STK10: variants seen among roughly 807,000 people sequenced by gnomAD.
The protein encoded by STK10 is serine/threonine-protein kinase 10.
Under a neutral mutation model 113.8 loss-of-function variants are expected in STK10, and 78 were observed. That is an observed-to-expected ratio of 0.69 (90% CI 0.57 to 0.83). The LOEUF (loss-of-function observed/expected upper bound fraction) is 0.83, where lower values mean the gene tolerates loss of function less well. Among genes scored for constraint, STK10 ranks in the 40% least tolerant of loss-of-function variants. STK10 has a pLI of 0.00. For synonymous variants in STK10, 465 were observed against 494.7 expected, an observed-to-expected ratio of 0.94 and a Z score of 0.80; for missense variants, 1,109 against 1,280.1, an observed-to-expected ratio of 0.87 and a Z score of 2.04.
chr5:172,084,995 A>G (rs1768518306), intron 10 of STK10, among the ~76,000 whole-genome samples: 1 of 152,172 alleles, frequency 6.6e-6, no homozygotes, highest in South Asian at 2.1e-4. Flanking sequence ...CTATAATCCC[A>G]GTACTTTGGG....
chr5:172,061,795 G>A (rs941733410), intron 13 of STK10, among the ~76,000 whole-genome samples: 3 of 152,110 alleles, frequency 2.0e-5, no homozygotes, highest in Admixed American at 6.6e-5. Flanking sequence ...TTTGCTAGGT[G>A]TGTTTATGGT....
intron 12 of STK10, among the ~76,000 whole-genome samples, chr5:172,075,750 A>T (rs1328044461): frequency 1.3e-5 from 2 of 152,244 alleles, no homozygotes; most frequent in East Asian, 3.8e-4. Flanking sequence ...AAGATACTCA[A>T]ATCATTAGTT....
rs774193068 is a variant in STK10 at position 172,182,550 on chromosome 5, ATTTTTTTTTTT to A, written c.156+5326_156+5336del. On this transcript the variant is annotated intron_variant, in intron 1 of 18. Coordinates refer to ENST00000176763, the MANE Select transcript of STK10 (RefSeq NM_005990.4). ...GGGCGCATGTCACCATGCCCAGCTCATTTTTTTTTTTTTTTTTTTTGAGACGGAGTTTTCGC... is the reference window on the plus strand; with the variant it reads ...GGGCGCATGTCACCATGCCCAGCTCATTTTTTTTTGAGACGGAGTTTTCGC... 2.8e-5 allele frequency among the ~76,000 whole-genome samples: 3 copies of A among 107,506 alleles called. No individual in the cohort carries two copies. In the East Asian group the frequency reaches 7.5e-4, roughly 27 times the overall value. The allele number at this position is 107,506 out of a possible 152,430, so 70.5% of individuals were successfully genotyped here. A position where few individuals can be genotyped will look rare whatever the true frequency, so the allele number is the denominator to read the frequency against.
intron 2 of STK10, among the ~76,000 whole-genome samples, chr5:172,154,459 C>T (rs1373363860): frequency 6.6e-6 from 1 of 152,334 alleles, no homozygotes; most frequent in Middle Eastern, 3.4e-3. Flanking sequence ...CGCTGTCTCT[C>T]CTGCCTGCCA....
At chr5:172,154,657 C>T (rs1770309528) in intron 2 of STK10, among the ~76,000 whole-genome samples, 1 of 152,118 alleles carries the variant, frequency 6.6e-6, no homozygotes, top group South Asian at 2.1e-4. Context: ...AAAGCACCAG[C>T]CTAAAGTGAC....
chr5:172,070,556 C>T (rs1241983350), intron 12 of STK10, among the ~76,000 whole-genome samples: 2 of 151,878 alleles, frequency 1.3e-5, no homozygotes, highest in Admixed American at 6.6e-5. Flanking sequence ...AGTCTCAAAT[C>T]AATGTTCTAA....
At chr5:172,053,209 CAAG>C in intron 17 of STK10, 167 bp from the exon 18 acceptor site, 2 of 607,344 alleles carry the variant, frequency 3.3e-6, no homozygotes, top group South Asian at 2.0e-5. Context: ...TCACATGCAC[CAAG>C]AAGTGCCTGG....
At chr5:172,128,221 CAAAAAAAAAA>C (rs35298910) in intron 2 of STK10, among the ~76,000 whole-genome samples, 2,238 of 77,380 alleles carry the variant, frequency 0.029, 73 homozygotes, top group African/African-American at 0.097. Context: ...GACTCCGTCT[CAAAAAAAAAA>C]AAAAAAAAAA....
At chr5:172,166,227 G>T (rs916874580) in intron 1 of STK10, among the ~76,000 whole-genome samples, 1 of 152,212 alleles carries the variant, frequency 6.6e-6, no homozygotes, top group African/African-American at 2.4e-5. Context: ...GCCGGAGGGT[G>T]AGGCCAAGAT....
At chr5:172,123,366 C>A (rs571415263) in intron 3 of STK10, among the ~76,000 whole-genome samples, 10 of 152,330 alleles carry the variant, frequency 6.6e-5, no homozygotes, top group Admixed American at 2.0e-4. Flanking sequence ...CTGCCTAGGG[C>A]TGGAGCAGTC....
At chr5:172,048,412 C>A (rs1181522295) in intron 18 of STK10, among the ~76,000 whole-genome samples, 3 of 141,524 alleles carry the variant, frequency 2.1e-5, no homozygotes, top group South Asian at 2.2e-4. Context: ...TCTCCCTCTC[C>A]CTACACACAC....
intron 2 of STK10, 63 bp from the exon 3 acceptor site, chr5:172,127,484 C>T: frequency 6.3e-7 from 1 of 1,577,812 alleles, no homozygotes; most frequent in Non-Finnish European, 8.7e-7. Flanking sequence ...GACGGGAACC[C>T]CACAGGCCCA....
At chr5:172,051,110 T>C (rs1431796750) in intron 18 of STK10, among the ~76,000 whole-genome samples, 1 of 152,102 alleles carries the variant, frequency 6.6e-6, no homozygotes, top group African/African-American at 2.4e-5. Flanking sequence ...CCGCTGGTCT[T>C]TCTCGCACTT....
Position 172,120,029 on chromosome 5 carries a change from G to A in STK10, c.371-2399C>T, listed in dbSNP as rs1769476451. On this transcript the variant is annotated intron_variant, in intron 3 of 18. Transcript: ENST00000176763. This position sits in a 1 kb window ranked among gnomAD's most constrained non-coding sequence, Gnocchi z 4.0. ...TGCTCAATGGACAGATTAGGGAGGT[G>A]GAGCTGGCGGAATGTGGAGGCGGTG... Among the ~76,000 whole-genome samples, 1 of 152,066 alleles carries A rather than the reference G, an allele frequency of 6.6e-6. No individual in the cohort carries two copies. The highest frequency in any genetic ancestry group is 1.5e-5 in the Non-Finnish European group (1 of 67,990).
chr5:172,099,413 T>C (rs1768930727), intron 7 of STK10, among the ~76,000 whole-genome samples: 1 of 152,096 alleles, frequency 6.6e-6, no homozygotes, highest in Non-Finnish European at 1.5e-5. Flanking sequence ...TGGTGGTGCA[T>C]GCCTGTAATC....
intron 1 of STK10, among the ~76,000 whole-genome samples, chr5:172,167,806 G>A (rs767458367): frequency 4.6e-5 from 7 of 152,262 alleles, no homozygotes; most frequent in African/African-American, 7.2e-5. Flanking sequence ...AGAACACTTC[G>A]ATCACTGTAG....
At chr5:172,096,669 G>T in intron 7 of STK10, 109 bp from the exon 8 acceptor site, 1 of 1,440,676 alleles carries the variant, frequency 6.9e-7, no homozygotes, top group Non-Finnish European at 9.5e-7. Flanking sequence ...TCATTCCTGA[G>T]CAAAATGTGC....
intron 4 of STK10, among the ~76,000 whole-genome samples, chr5:172,114,147 G>C (rs1398650109): frequency 6.6e-6 from 1 of 151,938 alleles, no homozygotes; most frequent in African/African-American, 2.4e-5. Flanking sequence ...CCCACTATCT[G>C]ATCCGACTTT....
At chr5:172,153,532 C>T (rs1045261957) in intron 2 of STK10, among the ~76,000 whole-genome samples, 2 of 152,212 alleles carry the variant, frequency 1.3e-5, no homozygotes, top group African/African-American at 4.8e-5. Context: ...GAATGACCTC[C>T]ACCCCACTCG....
Sources: gnomAD v4.1 joint callset for allele counts (sites outside exome capture counted in the v4.1 genomes callset) on GRCh38, gnomAD v4.1.1 for gene constraint, Gnocchi (gnomAD v3.1) non-coding constraint, MANE v1.5 for transcripts, NCBI Gene and HGNC (gene_info 2026-07-23, HGNC 2026-07-21) for gene names.